SLC39A10: variants seen among roughly 807,000 people sequenced by gnomAD.
SLC39A10 encodes the protein solute carrier family 39 member 10.
SLC39A10 carries 13 observed loss-of-function variants against 65.1 expected under a neutral mutation model. The ratio of observed to expected loss-of-function variants is 0.20; its 90% CI spans 0.13 to 0.32. The LOEUF (loss-of-function observed/expected upper bound fraction) is 0.32. Among genes scored for constraint, SLC39A10 ranks in the 10% least tolerant of loss-of-function variants. The probability of loss-of-function intolerance (pLI) is 1.00; values close to 1 mark genes in which losing one functional copy is unlikely to be tolerated. For missense variants in SLC39A10, 831 were observed against 1,018.4 expected, an observed-to-expected ratio of 0.82 and a Z score of 2.50; for synonymous variants, 321 against 342.2, an observed-to-expected ratio of 0.94 and a Z score of 0.68.
At chr2:195,618,239 T>C (rs1294279125) in intron 2 of SLC39A10, among the ~76,000 whole-genome samples, 1 of 151,342 alleles carries the variant, frequency 6.6e-6, no homozygotes, top group Non-Finnish European at 1.5e-5. Flanking sequence ...TAATCCCAGC[T>C]ACGCGGGAGG....
intron 2 of SLC39A10, among the ~76,000 whole-genome samples, chr2:195,625,445 T>C (rs1170561284): frequency 1.3e-5 from 2 of 151,432 alleles, no homozygotes; most frequent in Admixed American, 1.3e-4. Flanking sequence ...CCGGCTAATT[T>C]TTTGTATTTT....
At position 195,680,648 on chromosome 2, in the gene SLC39A10, T is replaced by C; in HGVS notation, c.606T>C (p.Thr202=). 6.2e-7 allele frequency: 1 copy of C among 1,614,094 alleles called. No homozygotes were observed. Among genetic ancestry groups the C allele is most frequent in the South Asian group, 1.1e-5 (1 of 91,080 alleles). The change falls in exon 2 of 10, where the codon ACT becomes ACC. Residue 202 remains threonine (T), a synonymous_variant. Transcript: ENST00000359634. ...NTHHFHNDSI[T]PSERGEPSNE... ...ACCATTTTCATAATGATTCCATTAC[T>C]CCCAGTGAGCGTGGGGAGCCTAGCA...
At chr2:195,713,619 A>G (rs2105821154) in intron 6 of SLC39A10, 66 bp downstream of exon 6, 1 of 1,458,332 alleles carries the variant, frequency 6.9e-7, no homozygotes, top group Non-Finnish European at 9.2e-7. Context: ...ATTTACATTT[A>G]ATTTCTATTT....
At position 195,663,292 on chromosome 2, in the gene SLC39A10, G is replaced by T. The variant is rs535969563; in HGVS notation, c.-12+6011G>T. ...TACAGGCCTTTAAACAAATATTTTG[G>T]TATATTAACTCAGTGCACTTCTACT... On this transcript the variant is annotated intron_variant, in intron 1 of 9. Coordinates refer to ENST00000359634, the MANE Select transcript of SLC39A10 (RefSeq NM_020342.3). 5.9e-5 allele frequency among the ~76,000 whole-genome samples: 9 copies of T among 152,044 alleles called. No individual in the cohort carries two copies. In the East Asian group the frequency reaches 7.7e-4, roughly 13 times the overall value.
At chr2:195,636,731 C>T (rs1040414683) in intron 2 of SLC39A10, among the ~76,000 whole-genome samples, 6 of 151,688 alleles carry the variant, frequency 4.0e-5, no homozygotes, top group East Asian at 1.9e-4. Flanking sequence ...CCAGCCTGGG[C>T]GACAGAGCAA....
chr2:195,680,228 C>T lies in SLC39A10; in HGVS notation c.186C>T (p.Tyr62=). 6.2e-7 allele frequency: 1 copy of T among 1,613,542 alleles called. No individual in the cohort carries two copies. The highest frequency in any genetic ancestry group is 2.2e-5 in the East Asian group (1 of 44,878). The change falls in exon 2 of 10, where the codon TAC becomes TAT. Residue 62 remains tyrosine (Y), a synonymous_variant. Coordinates refer to ENST00000359634, the MANE Select transcript of SLC39A10 (RefSeq NM_020342.3). ...AAGCTGCTGAAAATGAAAAAAAATA[C>T]TATATTGAAAAACTTTTTGAGCGTT... ...SKQAAENEKK[Y]YIEKLFERYG... is the part of the protein sequence containing the mutation.
At chr2:195,734,636 A>G (rs547225647) in intron 9 of SLC39A10, among the ~76,000 whole-genome samples, 9 of 152,162 alleles carry the variant, frequency 5.9e-5, no homozygotes, top group Non-Finnish European at 1.2e-4. Context: ...ACTAATGTGC[A>G]TATTTTAAGT....
intron 3 of SLC39A10, among the ~76,000 whole-genome samples, chr2:195,703,155 A>G (rs1691257853): frequency 6.6e-6 from 1 of 152,196 alleles, no homozygotes; most frequent in Admixed American, 6.5e-5. Flanking sequence ...ATCTCATAGA[A>G]CTAATGAGCT....
At chr2:195,623,207 C>T (rs1236586661) in intron 2 of SLC39A10, among the ~76,000 whole-genome samples, 1 of 152,038 alleles carries the variant, frequency 6.6e-6, no homozygotes, top group Non-Finnish European at 1.5e-5. Context: ...AATTTCAGAT[C>T]CATTTAGTAA....
chr2:195,613,689 A>C (rs768048246), intron 2 of SLC39A10, among the ~76,000 whole-genome samples: 1 of 152,242 alleles, frequency 6.6e-6, no homozygotes, highest in Non-Finnish European at 1.5e-5. Context: ...TTTCATCTGC[A>C]ATTAATCAAT....
chr2:195,717,053 T>TTTA, intron 7 of SLC39A10, 48 bp downstream of exon 7: 1 of 1,557,160 alleles, frequency 6.4e-7, no homozygotes, highest in Non-Finnish European at 8.7e-7. Context: ...TGGACTATAA[T>TTTA]ATGTATGATT....
At chr2:195,616,825 A>G (rs576777666) in intron 2 of SLC39A10, among the ~76,000 whole-genome samples, 116 of 151,268 alleles carry the variant, frequency 7.7e-4, no homozygotes, top group African/African-American at 2.4e-3. Context: ...GGATGGTCTC[A>G]ATCTCCTGAC....
In SLC39A10 at chr2:195,680,879, T is replaced by C. The variant is rs1341315046; in HGVS notation, c.837T>C (p.His279=). 2 of 1,614,026 alleles carry C rather than the reference T, an allele frequency of 1.2e-6. No individual in the cohort carries two copies. The highest frequency in any genetic ancestry group is 2.2e-5 in the South Asian group (2 of 91,084). The part of the protein sequence containing the change: ...PDRVHNPGHS[H]VHLPERNGHD... ...GTGTACATAACCCAGGTCATTCTCA[T>C]GTACATCTTCCAGAACGTAATGGTC... The change falls in exon 2 of 10, where the codon CAT becomes CAC. Residue 279 remains histidine (H), a synonymous_variant. Coordinates refer to ENST00000359634, the MANE Select transcript of SLC39A10 (RefSeq NM_020342.3).
rs528905538 is a variant in SLC39A10, at chr2:195,623,971, C to T, written c.-12+17738C>T. 5.3e-5 allele frequency among the ~76,000 whole-genome samples: 8 copies of T among 150,998 alleles called. No homozygotes were observed. In the East Asian group the frequency reaches 1.4e-3, roughly 26 times the overall value. On this transcript the variant is annotated intron_variant, in intron 2 of 2. Transcript: ENST00000458054. ...TAGATATGCAGGTTGGGAAAAATTA[C>T]ATTAACGATTCAAAAGTTAAAGACT...
chr2:195,725,823 A>G (rs1692214571), intron 8 of SLC39A10, among the ~76,000 whole-genome samples: 1 of 152,216 alleles, frequency 6.6e-6, no homozygotes, highest in South Asian at 2.1e-4. Flanking sequence ...TCTTACATGC[A>G]TTATTCTAAG....
At chr2:195,666,797 A>T (rs1689654867) in intron 1 of SLC39A10, among the ~76,000 whole-genome samples, 2 of 152,184 alleles carry the variant, frequency 1.3e-5, no homozygotes, top group South Asian at 4.1e-4. Flanking sequence ...AATGCATGTA[A>T]CTAAAATCAT....
chr2:195,642,370 G>A (rs1293069877), intron 2 of SLC39A10, among the ~76,000 whole-genome samples: 1 of 152,182 alleles, frequency 6.6e-6, no homozygotes, highest in African/African-American at 2.4e-5. Flanking sequence ...AGTGTGTTGA[G>A]AAGACAGGAA....
At position 195,651,129 on chromosome 2, in the gene SLC39A10, T is replaced by C. The variant is rs368099691; in HGVS notation, c.-11-28903T>C. The stretch of plus-strand genomic sequence containing the variant: ...GAGTATAAGGGGAGCTGTGCTCCTC[T>C]AGTGAGAACTCCCATGGACTTCTAA... On this transcript the variant is annotated intron_variant, in intron 2 of 2. Coordinates refer to the SLC39A10 transcript ENST00000458054. Among the ~76,000 whole-genome samples, 142 of 151,948 alleles carry C rather than the reference T, an allele frequency of 9.3e-4. 1 individual carries two copies. Among genetic ancestry groups the C allele is most frequent in the African/African-American group, 3.3e-3 (136 of 41,434 alleles).
At chr2:195,684,581 T>C (rs919412494) in intron 3 of SLC39A10, among the ~76,000 whole-genome samples, 1 of 152,120 alleles carries the variant, frequency 6.6e-6, no homozygotes, top group African/African-American at 2.4e-5. Flanking sequence ...TTCATTCTTT[T>C]GATAAAATCT....
Sources: gnomAD v4.1 joint callset for allele counts (sites outside exome capture counted in the v4.1 genomes callset) on GRCh38, gnomAD v4.1.1 for gene constraint, MANE v1.5 for transcripts, NCBI Gene and HGNC (gene_info 2026-07-23, HGNC 2026-07-21) for gene names.